KCNH1: variants seen among roughly 807,000 people sequenced by gnomAD.
KCNH1 encodes potassium voltage-gated channel subfamily H member 1.
A neutral mutation model predicts 69.2 loss-of-function variants in KCNH1; 27 were observed. The observed-to-expected ratio is 0.39, with a 90% CI of 0.29 to 0.54. KCNH1 has a LOEUF of 0.54. Among genes scored for constraint, KCNH1 ranks in the 20% least tolerant of loss-of-function variants. The probability of loss-of-function intolerance (pLI) is 0.68; values close to 1 mark genes in which losing one functional copy is unlikely to be tolerated. For synonymous variants in KCNH1, 456 were observed against 487.7 expected, an observed-to-expected ratio of 0.93 and a Z score of 0.86; for missense variants, 798 against 1,261.6, an observed-to-expected ratio of 0.63 and a Z score of 5.57.
chr1:210,710,933 C>T (rs1682059904), intron 10 of KCNH1, among the ~76,000 whole-genome samples: 1 of 152,206 alleles, frequency 6.6e-6, no homozygotes, highest in African/African-American at 2.4e-5. Flanking sequence ...AGGCCCATGC[C>T]CTTTGCCCCA....
At chr1:210,867,508 G>A (rs1167744472) in intron 7 of KCNH1, among the ~76,000 whole-genome samples, 3 of 151,774 alleles carry the variant, frequency 2.0e-5, no homozygotes, top group Non-Finnish European at 1.5e-5. Flanking sequence ...ATTAGATGGT[G>A]TTTTCTGAAA....
chr1:211,032,427 G>C (rs530571893), intron 5 of KCNH1, among the ~76,000 whole-genome samples: 37 of 152,152 alleles, frequency 2.4e-4, no homozygotes, highest in African/African-American at 8.9e-4. Context: ...AGTTCATATG[G>C]AACCAAAAAA....
intron 9 of KCNH1, among the ~76,000 whole-genome samples, chr1:210,781,218 A>T (rs1189293691): frequency 6.6e-6 from 1 of 152,080 alleles, no homozygotes; most frequent in Admixed American, 6.5e-5. Context: ...CACCTTCCAC[A>T]CTCTGTACAC....
chr1:211,129,652 C>T (rs1691842374), intron 1 of KCNH1, among the ~76,000 whole-genome samples: 1 of 152,190 alleles, frequency 6.6e-6, no homozygotes, highest in African/African-American at 2.4e-5. Context: ...TCCAGATTAT[C>T]ATCCATTCCC....
chr1:210,734,847 T>C (rs754630932), intron 10 of KCNH1, among the ~76,000 whole-genome samples: 1 of 152,190 alleles, frequency 6.6e-6, no homozygotes, highest in Non-Finnish European at 1.5e-5. Flanking sequence ...GGAAATAATC[T>C]AGTTGCAGAC....
chr1:211,009,135 TGG>T (rs1689346813), intron 6 of KCNH1, among the ~76,000 whole-genome samples: 1 of 152,052 alleles, frequency 6.6e-6, no homozygotes, highest in South Asian at 2.1e-4. Context: ...GCCACCATTG[TGG>T]ATTTTATTGT....
chr1:210,978,325 A>G (rs1688652325), intron 6 of KCNH1, among the ~76,000 whole-genome samples: 2 of 152,178 alleles, frequency 1.3e-5, no homozygotes, highest in African/African-American at 4.8e-5. Flanking sequence ...GGCATGAGCC[A>G]CCGCGCCCGG....
At chr1:210,849,362 TTTC>T (rs1435837874) in intron 7 of KCNH1, among the ~76,000 whole-genome samples, 1 of 137,014 alleles carries the variant, frequency 7.3e-6, no homozygotes, top group African/African-American at 2.9e-5. Flanking sequence ...CTTTTCTTTC[TTTC>T]TTTTTTTTTT....
intron 7 of KCNH1, among the ~76,000 whole-genome samples, chr1:210,868,333 G>T (rs149592534): frequency 6.6e-6 from 1 of 151,578 alleles, no homozygotes; most frequent in Non-Finnish European, 1.5e-5. Context: ...ATACATTCTG[G>T]ATTCAAACCT....
intron 6 of KCNH1, among the ~76,000 whole-genome samples, chr1:211,011,392 G>A (rs1689391494): frequency 6.6e-6 from 1 of 152,176 alleles, no homozygotes; most frequent in Non-Finnish European, 1.5e-5. Context: ...GGGAATTTGG[G>A]TTGGTTCCAA....
At chr1:210,971,191 G>T (rs995377528) in intron 6 of KCNH1, among the ~76,000 whole-genome samples, 1 of 151,988 alleles carries the variant, frequency 6.6e-6, no homozygotes, top group African/African-American at 2.4e-5. Context: ...GAGCTCAAGT[G>T]ATCCTCCCAC....
rs116445541 is a variant in KCNH1 at position 210,823,507 on chromosome 1, A to C, written c.1463-19341T>G. 9.7e-3 allele frequency among the ~76,000 whole-genome samples: 1,479 copies of C among 152,268 alleles called. 29 individuals are homozygous for C. The highest frequency in any genetic ancestry group is 0.034 in the African/African-American group (1,421 of 41,550). On this transcript the variant is annotated intron_variant, in intron 7 of 10. Coordinates refer to ENST00000271751, the MANE Select transcript of KCNH1 (RefSeq NM_172362.3). ...CTGTGTTTTTCTTACAGCACATGTT[A>C]ATCCATTTGGACCTCTTTCTTGCTT...
chr1:210,806,869 TG>T, intron 7 of KCNH1, among the ~76,000 whole-genome samples: 1 of 127,242 alleles, frequency 7.9e-6, no homozygotes, highest in Non-Finnish European at 1.6e-5. Context: ...TTGCCGGGCA[TG>T]GTGGTGCACA....
intron 5 of KCNH1, among the ~76,000 whole-genome samples, chr1:211,022,172 T>C (rs1689597688): frequency 6.6e-6 from 1 of 152,046 alleles, no homozygotes; most frequent in Non-Finnish European, 1.5e-5. Flanking sequence ...AATAAATCCA[T>C]GTATCTACAA....
At chr1:210,827,289 T>C (rs1685052139) in intron 7 of KCNH1, among the ~76,000 whole-genome samples, 1 of 152,036 alleles carries the variant, frequency 6.6e-6, no homozygotes, top group South Asian at 2.1e-4. Flanking sequence ...TGAGCCGAGA[T>C]TGCGCCATTG....
chr1:210,734,154 A>G (rs528139180), intron 10 of KCNH1, among the ~76,000 whole-genome samples: 1 of 152,334 alleles, frequency 6.6e-6, no homozygotes, highest in Non-Finnish European at 1.5e-5. Flanking sequence ...TTTACGCTAC[A>G]TTGAATTCCA....
At chr1:210,898,466 G>A (rs1221119031) in intron 7 of KCNH1, among the ~76,000 whole-genome samples, 1 of 152,184 alleles carries the variant, frequency 6.6e-6, no homozygotes, top group African/African-American at 2.4e-5. Context: ...ACCTGCAAGT[G>A]AGTGGTAAAT....
chr1:210,825,934 A>T (rs557627730), intron 7 of KCNH1, among the ~76,000 whole-genome samples: 3 of 152,176 alleles, frequency 2.0e-5, no homozygotes, highest in Non-Finnish European at 4.4e-5. Flanking sequence ...TTCTGTGTTA[A>T]TCACTTGGGT....
Position 210,683,877 on chromosome 1 carries a change from C to T in KCNH1, c.2374G>A (p.Glu792Lys). 2 of 1,614,126 alleles carry T rather than the reference C, an allele frequency of 1.2e-6. No individual in the cohort carries two copies. The highest frequency in any genetic ancestry group is 1.7e-6 in the Non-Finnish European group (2 of 1,179,988). Residue 792 changes from glutamate (E) to lysine (K), a missense_variant, in exon 11 of 11, where the codon GAG becomes AAG. Transcript: ENST00000271751. This position sits in a 1 kb window ranked among gnomAD's most constrained non-coding sequence, Gnocchi z 5.7. ...AAGGATACGGGCGTGGCAGGACTCT[C>T]ACGCACGGTGACCACGCTGGCCTTC... ...LVKASVVTVR[E>K]SPATPVSFQA...
Sources: gnomAD v4.1 joint callset for allele counts (sites outside exome capture counted in the v4.1 genomes callset) on GRCh38, gnomAD v4.1.1 for gene constraint, Gnocchi (gnomAD v3.1) non-coding constraint, MANE v1.5 for transcripts, NCBI Gene and HGNC (gene_info 2026-07-23, HGNC 2026-07-21) for gene names.